The following DGKH variants were observed in gnomAD, a reference collection of about 807,000 sequenced individuals.
DGKH encodes DAG kinase eta.
Under a neutral mutation model 159.3 loss-of-function variants are expected in DGKH, and 90 were observed. The ratio of observed to expected loss-of-function variants is 0.57; its 90% CI spans 0.48 to 0.67. The LOEUF (loss-of-function observed/expected upper bound fraction) is 0.67, where lower values mean the gene tolerates loss of function less well. DGKH is among the 30% of genes least tolerant of loss of function. The pLI is 0.00. For synonymous variants in DGKH, 536 were observed against 553.8 expected (o/e 0.97, Z 0.45); for missense variants, 1,181 against 1,506.1 (o/e 0.78, Z 3.57).
intron 12 of DGKH, among the ~76,000 whole-genome samples, chr13:42,176,214 A>T (rs1956599651): frequency 1.3e-5 from 2 of 152,222 alleles, no homozygotes; most frequent in Non-Finnish European, 2.9e-5. Flanking sequence ...ATCAAATGTT[A>T]TTAATTAATA....
chr13:42,054,032 A>G (rs923589425), intron 1 of DGKH, among the ~76,000 whole-genome samples: 2 of 152,226 alleles, frequency 1.3e-5, no homozygotes, highest in African/African-American at 4.8e-5. Context: ...CTTTATGGTA[A>G]GGCAGTATAT....
chr13:42,077,100 C>T (rs1034811572), intron 1 of DGKH, among the ~76,000 whole-genome samples: 1 of 152,030 alleles, frequency 6.6e-6, no homozygotes, highest in African/African-American at 2.4e-5. Context: ...TTTAGATATT[C>T]TTCTTGGTAC....
chr13:42,127,339 C>T, intron 1 of DGKH, 124 bp from the exon 2 acceptor site: 1 of 722,556 alleles, frequency 1.4e-6, no homozygotes, highest in Non-Finnish European at 2.3e-6. Context: ...AAATATTCTC[C>T]TGTAATTTGT....
chr13:42,167,515 C>G (rs903007370), intron 9 of DGKH, among the ~76,000 whole-genome samples: 5 of 152,152 alleles, frequency 3.3e-5, no homozygotes, highest in Non-Finnish European at 5.9e-5. Context: ...ACTTTTGCCC[C>G]CTGAGTCTTC....
intron 7 of DGKH, 50 bp from the exon 8 acceptor site, chr13:42,165,281 G>A: frequency 9.8e-7 from 1 of 1,019,424 alleles, no homozygotes; most frequent in Non-Finnish European, 1.4e-6. Flanking sequence ...GATTTATAAT[G>A]GCAGAACATT....
chr13:42,195,118 T>A (rs1186915312), intron 17 of DGKH, 102 bp downstream of exon 17: 1 of 1,386,324 alleles, frequency 7.2e-7, no homozygotes. Context: ...AAGATAAATA[T>A]TCTTTAGTAG....
intron 1 of DGKH, among the ~76,000 whole-genome samples, chr13:42,043,202 T>C (rs1300253515): frequency 1.3e-5 from 2 of 152,206 alleles, no homozygotes; most frequent in Admixed American, 6.5e-5. Flanking sequence ...TTGATGTGTG[T>C]GTGTATATAT....
intron 1 of DGKH, among the ~76,000 whole-genome samples, chr13:42,126,809 T>C (rs1955179851): frequency 6.6e-6 from 1 of 152,186 alleles, no homozygotes. Context: ...TCTGGGAACA[T>C]TGCTTTGACT....
chr13:42,043,008 AAG>A (rs925804968), intron 1 of DGKH, among the ~76,000 whole-genome samples: 6 of 152,324 alleles, frequency 3.9e-5, no homozygotes, highest in African/African-American at 9.6e-5. Context: ...GCAAGGGGAA[AAG>A]GGGGTGGAGA....
intron 3 of DGKH, among the ~76,000 whole-genome samples, chr13:42,149,549 T>C (rs1337085228): frequency 6.6e-6 from 1 of 152,244 alleles, no homozygotes; most frequent in African/African-American, 2.4e-5. Flanking sequence ...ACTTTGTATT[T>C]TCTAATGAAT....
chr13:42,048,107 G>T (rs1880929642), upstream of DGKH, among the ~76,000 whole-genome samples: 1 of 132,852 alleles, frequency 7.5e-6, no homozygotes, highest in Non-Finnish European at 1.6e-5. This position sits in a 1 kb window ranked among gnomAD's most constrained non-coding sequence, Gnocchi z 6.7. Flanking sequence ...GAGAGGTACG[G>T]TCCTCGGAGT....
At chr13:42,133,432 G>A (rs757129230) in intron 3 of DGKH, among the ~76,000 whole-genome samples, 16 of 152,104 alleles carry the variant, frequency 1.1e-4, no homozygotes, top group Non-Finnish European at 1.5e-4. Context: ...AGTGGCTCAC[G>A]CCTATAATGC....
At chr13:42,223,000 G>A (rs1391212812) in intron 29 of DGKH, among the ~76,000 whole-genome samples, 1 of 152,022 alleles carries the variant, frequency 6.6e-6, no homozygotes, top group Non-Finnish European at 1.5e-5. Flanking sequence ...GGACTTTTTT[G>A]TTCTGTTTTG....
chr13:42,129,082 G>A (rs993862919), intron 2 of DGKH, among the ~76,000 whole-genome samples: 23 of 152,154 alleles, frequency 1.5e-4, no homozygotes, highest in Admixed American at 1.5e-3. Flanking sequence ...TCATTTGAAC[G>A]CATAGTTATA....
intron 7 of DGKH, among the ~76,000 whole-genome samples, chr13:42,162,446 G>A (rs1956209240): frequency 6.6e-6 from 1 of 152,170 alleles, no homozygotes; most frequent in Non-Finnish European, 1.5e-5. Context: ...CTGGGAGTTG[G>A]AGGTTGCAGT....
intron 26 of DGKH, 70 bp from the exon 27 acceptor site, chr13:42,219,160 A>G (rs529789421): frequency 1.0e-5 from 16 of 1,582,602 alleles, no homozygotes; most frequent in Middle Eastern, 1.7e-4. Context: ...TCAAAGTACA[A>G]TGATTTATTC....
rs560473734 is a variant in DGKH, at chr13:42,064,389, G to A, written c.192+15424G>A. Among the ~76,000 whole-genome samples the A allele has an allele frequency of 2.0e-4, 31 of 152,254 alleles. 1 individual carries two copies. In the South Asian group the frequency reaches 6.0e-3, roughly 30 times the overall value. ...GAGCCGGGTGACCAGGACTCTAAGC[G>A]CTGTCAGCCTGGTGTGGGATCATGT... On this transcript the variant is annotated intron_variant, in intron 1 of 29. Coordinates refer to ENST00000337343, the MANE Select transcript of DGKH (RefSeq NM_178009.5).
At position 42,240,536 on chromosome 13, in the gene DGKH, A is replaced by G. The variant is rs1958496018; in HGVS notation, c.*11348A>G. 6.6e-6 allele frequency: 1 copy of G among 152,248 alleles called. No individual in the cohort carries two copies. The highest frequency in any genetic ancestry group is 1.5e-5 in the Non-Finnish European group (1 of 68,048). The allele number at this position is 152,248 out of a possible 1,614,324, so 9.4% of individuals were successfully genotyped here. A position where few individuals can be genotyped will look rare whatever the true frequency, so the allele number is the denominator to read the frequency against. On this transcript the variant is annotated 3_prime_UTR_variant, in exon 30 of 30. Coordinates refer to ENST00000337343, the MANE Select transcript of DGKH (RefSeq NM_178009.5). Reference sequence around the variant, plus strand: ...TACTGATTACCTACAGACAATAATGAGACTTCAGAAAGAATCAAAAGCAAT... The same window carrying G: ...TACTGATTACCTACAGACAATAATGGGACTTCAGAAAGAATCAAAAGCAAT...
downstream of DGKH, among the ~76,000 whole-genome samples, chr13:42,245,699 C>T (rs1221583499): frequency 1.3e-5 from 2 of 152,142 alleles, no homozygotes; most frequent in African/African-American, 4.8e-5. Flanking sequence ...GATTCTCCTG[C>T]CTCAGCCTCC....
Sources: gnomAD v4.1 joint callset for allele counts (sites outside exome capture counted in the v4.1 genomes callset) on GRCh38, gnomAD v4.1.1 for gene constraint, Gnocchi (gnomAD v3.1) non-coding constraint, MANE v1.5 for transcripts, NCBI Gene and HGNC (gene_info 2026-07-23, HGNC 2026-07-21) for gene names.